MAST4: variants seen among roughly 807,000 people sequenced by gnomAD.
MAST4 encodes the protein microtubule-associated serine/threonine-protein kinase 4.
MAST4 carries 89 observed loss-of-function variants against 162.7 expected under a neutral mutation model. That is an observed-to-expected ratio of 0.55 (90% CI 0.46 to 0.65). MAST4 has a LOEUF of 0.65. Among genes scored for constraint, MAST4 ranks in the 30% least tolerant of loss-of-function variants. MAST4 has a pLI of 0.00. For synonymous variants in MAST4, 1,479 were observed against 1,361.1 expected, an observed-to-expected ratio of 1.09 and a Z score of -1.91; for missense variants, 3,153 against 3,374.0, an observed-to-expected ratio of 0.93 and a Z score of 1.62.
chr5:66,925,943 A>T (rs949559716), intron 4 of MAST4, among the ~76,000 whole-genome samples: 4 of 145,908 alleles, frequency 2.7e-5, no homozygotes, highest in African/African-American at 1.0e-4. Context: ...GCCTAGTACA[A>T]TTTTTTTTTT....
chr5:66,732,156 A>G (rs1046824820), intron 1 of MAST4, among the ~76,000 whole-genome samples: 1 of 151,950 alleles, frequency 6.6e-6, no homozygotes, highest in African/African-American at 2.4e-5. Context: ...ACTATTTCTT[A>G]GCTTTACAAT....
At chr5:66,884,393 A>T (rs1045121320) in intron 3 of MAST4, among the ~76,000 whole-genome samples, 1 of 152,168 alleles carries the variant, frequency 6.6e-6, no homozygotes, top group East Asian at 1.9e-4. Flanking sequence ...AGTGCACAAC[A>T]CTCTTTGGGG....
At chr5:66,821,192 T>C (rs912700959) in intron 3 of MAST4, among the ~76,000 whole-genome samples, 1 of 152,220 alleles carries the variant, frequency 6.6e-6, no homozygotes, top group African/African-American at 2.4e-5. Flanking sequence ...TCTCTTTTAT[T>C]TGGAGTGGGA....
At chr5:66,954,900 C>CAAAAAAAAAAAAAAAAAAAAA (rs538274808) in intron 4 of MAST4, among the ~76,000 whole-genome samples, 6 of 139,388 alleles carry the variant, frequency 4.3e-5, no homozygotes, top group African/African-American at 1.7e-4. Context: ...GACTCTGTCT[C>CAAAAAAAAAAAAAAAAAAAAA]AAAAAAAAAA....
At chr5:67,013,654 G>T (rs1418367687) in intron 4 of MAST4, among the ~76,000 whole-genome samples, 2 of 152,044 alleles carry the variant, frequency 1.3e-5, no homozygotes, top group African/African-American at 4.8e-5. Flanking sequence ...TGGATCCATA[G>T]CTTACATAAA....
chr5:67,157,593 A>C (rs1231897392), intron 26 of MAST4, among the ~76,000 whole-genome samples: 3 of 152,184 alleles, frequency 2.0e-5, no homozygotes, highest in Non-Finnish European at 4.4e-5. Flanking sequence ...GCCACTCATT[A>C]AGTACCAGCT....
intron 5 of MAST4, among the ~76,000 whole-genome samples, chr5:67,064,307 G>A (rs184351845): frequency 3.0e-4 from 45 of 152,242 alleles, no homozygotes; most frequent in Non-Finnish European, 5.4e-4. Flanking sequence ...AAGAGCAGAC[G>A]GGTGCCCACA....
At chr5:66,857,652 T>C (rs1028925472) in intron 3 of MAST4, among the ~76,000 whole-genome samples, 1 of 152,240 alleles carries the variant, frequency 6.6e-6, no homozygotes, top group African/African-American at 2.4e-5. Flanking sequence ...TGTGTATCTT[T>C]TTATATGTTT....
chr5:67,097,652 G>A (rs1305743336), intron 7 of MAST4, among the ~76,000 whole-genome samples: 1 of 152,010 alleles, frequency 6.6e-6, no homozygotes, highest in Admixed American at 6.6e-5. Context: ...CATACTTTGT[G>A]TTTCTAACAG....
intron 2 of MAST4, among the ~76,000 whole-genome samples, chr5:66,762,275 C>T (rs1046704484): frequency 2.6e-5 from 4 of 151,902 alleles, no homozygotes; most frequent in Non-Finnish European, 4.4e-5. Flanking sequence ...AAAAATCCAT[C>T]GAACGTCAGC....
At chr5:66,674,831 T>G (rs1225742244) in intron 1 of MAST4, among the ~76,000 whole-genome samples, 1 of 152,196 alleles carries the variant, frequency 6.6e-6, no homozygotes. Context: ...GTCAGAGTCC[T>G]TGGTCGCAAA....
intron 1 of MAST4, among the ~76,000 whole-genome samples, chr5:66,654,196 G>T (rs2149451508): frequency 6.6e-6 from 1 of 152,354 alleles, no homozygotes; most frequent in African/African-American, 2.4e-5. Context: ...ACTCCTCTGA[G>T]GAGTAATGTT....
intron 3 of MAST4, among the ~76,000 whole-genome samples, chr5:66,833,031 T>C (rs1313312851): frequency 6.6e-6 from 1 of 152,170 alleles, no homozygotes; most frequent in East Asian, 1.9e-4. Flanking sequence ...GTAGTTTCTA[T>C]TTCCTGATCC....
rs1479147034 is a variant in MAST4, at chr5:66,788,806, C to T, written c.642+12C>T. On this transcript the variant is annotated intron_variant, in intron 3 of 28. Coordinates refer to ENST00000403625, the MANE Select transcript of MAST4 (RefSeq NM_001164664.2). The stretch of plus-strand genomic sequence containing the variant: ...TCACCGCCAGCCTGGTGAGTGTCCG[C>T]GGGCGCCGGTGGAGGCTGCTCCAGC... The T allele has an allele frequency of 6.5e-6, 10 of 1,550,226 alleles. No individual in the cohort carries two copies. In the Admixed American group the frequency reaches 8.2e-5, roughly 13 times the overall value.
At chr5:66,709,384 T>C (rs1197285850) in intron 1 of MAST4, among the ~76,000 whole-genome samples, 1 of 152,158 alleles carries the variant, frequency 6.6e-6, no homozygotes. Flanking sequence ...GGTGCAATCA[T>C]AGCTTACTGT....
chr5:66,850,313 C>G (rs114202252), intron 3 of MAST4, among the ~76,000 whole-genome samples: 2,276 of 152,276 alleles, frequency 0.015, 55 homozygotes, highest in African/African-American at 0.051. Context: ...ATAAAATGAA[C>G]TGAAGTTATC....
intron 3 of MAST4, among the ~76,000 whole-genome samples, chr5:66,891,872 A>G (rs749293217): frequency 6.6e-5 from 10 of 152,272 alleles, no homozygotes; most frequent in Non-Finnish European, 1.0e-4. Flanking sequence ...TGGCTCATGT[A>G]CCAGAGAAGT....
Position 67,100,491 on chromosome 5 carries a change from C to A in MAST4, c.969C>A (p.Asp323Glu), listed in dbSNP as rs55998157. 25 of 1,613,804 alleles carry A rather than the reference C, an allele frequency of 1.5e-5. No homozygotes were observed. The highest frequency in any genetic ancestry group is 2.1e-5 in the Non-Finnish European group (25 of 1,179,862). ...AGTTACCATACCAACCAACACCAGA[C>A]GAGTTACACTTCTTATCAAAACATT... ...LHQLPYQPTP[D>E]ELHFLSKHFC... Residue 323 changes from aspartate (D) to glutamate (E), a missense_variant, in exon 8 of 29, where the codon GAC becomes GAA. This residue lies in a region of MAST4 where 360 missense variants were observed against 450.0 expected (regional missense o/e 0.80). Transcript: ENST00000403625.
chr5:66,808,773 A>T (rs541304960), intron 3 of MAST4, among the ~76,000 whole-genome samples: 1 of 152,268 alleles, frequency 6.6e-6, no homozygotes, highest in Admixed American at 6.5e-5. Flanking sequence ...TCTCTGCCTT[A>T]CCTTCTGTGT....
Sources: allele counts gnomAD v4.1 joint callset (sites outside exome capture counted in the v4.1 genomes callset), GRCh38; gene constraint gnomAD v4.1.1; regional missense constraint gnomAD v4.1.1; transcripts MANE v1.5; gene names NCBI Gene and HGNC (gene_info 2026-07-23, HGNC 2026-07-21).